The following SLC6A7 variants were observed in gnomAD, a reference collection of about 807,000 sequenced individuals.
SLC6A7 encodes solute carrier family 6 member 7.
In SLC6A7, 58 loss-of-function variants were observed where a neutral mutation model predicts 73.1. The observed-to-expected ratio is 0.79, with a 90% confidence interval of 0.64 to 0.99. The LOEUF (loss-of-function observed/expected upper bound fraction) is 0.99, where lower values mean the gene tolerates loss of function less well. SLC6A7 is among the 50% of genes least tolerant of loss of function. SLC6A7 has a pLI of 0.00. For missense variants in SLC6A7, 783 were observed against 831.4 expected, an observed-to-expected ratio of 0.94 and a Z score of 0.72; for synonymous variants, 338 against 338.7, an observed-to-expected ratio of 1.00 and a Z score of 0.02.
chr5:150,204,374 A>G (rs1580869281), intron 10 of SLC6A7, among the ~76,000 whole-genome samples, 158 bp from the exon 11 acceptor site: 1 of 152,340 alleles, frequency 6.6e-6, no homozygotes, highest in East Asian at 1.9e-4. Context: ...GGACTCAGAT[A>G]AGACAAGGCC....
rs1225942954 is a variant in SLC6A7, at chr5:150,204,917, C to T, written c.1523C>T (p.Ala508Val). 2 of 1,575,920 alleles carry T rather than the reference C, an allele frequency of 1.3e-6. No homozygotes were observed. Among genetic ancestry groups the T allele is most frequent in the Non-Finnish European group, 1.7e-6 (2 of 1,145,320 alleles). Residue 508 changes from alanine to valine, a missense_variant, in exon 12 of 14, where the codon GCC becomes GTC. Ala to Val is a moderately conservative substitution (Grantham distance 64). Coordinates refer to ENST00000230671, the MANE Select transcript of SLC6A7 (RefSeq NM_014228.5). ...GCCTGCTGGCTGTTCCTGTCCCCAGCCACGCTCTTGGTAACTGGGGAGGGC... is the reference window on the plus strand; with the variant it reads ...GCCTGCTGGCTGTTCCTGTCCCCAGTCACGCTCTTGGTAACTGGGGAGGGC... The part of the protein sequence containing the change: ...FRACWLFLSP[A>V]TLLALMVYSI...
chr5:150,201,064 C>G (rs1253106772), intron 5 of SLC6A7, 25 bp from the exon 6 acceptor site: 3 of 1,612,412 alleles, frequency 1.9e-6, no homozygotes, highest in South Asian at 1.1e-5. Flanking sequence ...CCGATGCCAT[C>G]AGCTCCTCAC....
chr5:150,206,480 GCCT>G (rs1219355057), intron 13 of SLC6A7, among the ~76,000 whole-genome samples: 1 of 152,190 alleles, frequency 6.6e-6, no homozygotes, highest in East Asian at 1.9e-4. Context: ...TACAAAGCGG[GCCT>G]CCCTTGCACC....
chr5:150,195,312 T>G, intron 2 of SLC6A7: 2 of 159,630 alleles, frequency 1.3e-5, no homozygotes, highest in East Asian at 1.8e-4. Flanking sequence ...CCATCAATCA[T>G]TCCCTCTCTT....
Position 150,194,787 on chromosome 5 carries a change from G to A in SLC6A7, c.93G>A (p.Val31=), listed in dbSNP as rs1399402734. The change falls in exon 2 of 14, where the codon GTG becomes GTA. Residue 31 remains valine, a synonymous_variant. Transcript: ENST00000230671. ...PSDQGDVDLD[V]DFAAHRGNWT... is the part of the protein sequence containing the mutation. Reference sequence around the variant, plus strand: ...ACCAGGGCGATGTCGACCTGGATGTGGACTTTGCTGCACACCGGGGGAACT... The same window carrying A: ...ACCAGGGCGATGTCGACCTGGATGTAGACTTTGCTGCACACCGGGGGAACT... The A allele has an allele frequency of 1.2e-6, 2 of 1,614,150 alleles. No individual in the cohort carries two copies. The highest frequency in any genetic ancestry group is 1.7e-5 in the Admixed American group (1 of 60,024).
chr5:150,205,482 G>A lies in SLC6A7; in HGVS notation c.1560G>A (p.Lys520=), dbSNP rs753059541. 9.9e-6 allele frequency: 16 copies of A among 1,611,226 alleles called. No individual in the cohort carries two copies. The highest frequency in any genetic ancestry group is 6.6e-5 in the South Asian group (6 of 90,518). The change falls in exon 13 of 14, where the codon AAG becomes AAA. Residue 520 remains lysine, a synonymous_variant. Coordinates refer to ENST00000230671, the MANE Select transcript of SLC6A7 (RefSeq NM_014228.5). ...LLALMVYSIV[K]YQPSEYGSYR... ...CCCTCATGGTGTATAGCATCGTCAA[G>A]TACCAGCCCTCGGAGTATGGCAGTT...
rs543940560 is a variant in SLC6A7, at chr5:150,204,467, G to A, written c.1333-65G>A. 7.1e-6 allele frequency: 9 copies of A among 1,260,598 alleles called. No homozygotes were observed. The Admixed American group carries it at 1.5e-4, about 21-fold the overall frequency. The allele number at this position is 1,260,598 out of a possible 1,614,324, so 78.1% of individuals were successfully genotyped here. A position where few individuals can be genotyped will look rare whatever the true frequency, so the allele number is the denominator to read the frequency against. The stretch of plus-strand genomic sequence containing the variant: ...CTGCTTCCTGCTCACTTCTTGCCAG[G>A]AGAAGGGGCTGTAGCAGAGAACGAG... On this transcript the variant is annotated intron_variant, in intron 10 of 13. Coordinates refer to ENST00000230671, the MANE Select transcript of SLC6A7 (RefSeq NM_014228.5).
chr5:150,204,546 G>C lies in SLC6A7; in HGVS notation c.1347G>C (p.Trp449Cys), dbSNP rs1244588370. ...TTGTGTTTTAGGGGGGCATGTACTG[G>C]CTGGTCCTTCTGGATGACTACAGCG... ...LILTTDGGMYWLVLLDDYSAS... is the reference protein window; with the variant it reads ...LILTTDGGMYCLVLLDDYSAS... Residue 449 changes from tryptophan to cysteine, a missense_variant, in exon 11 of 14, where the codon TGG becomes TGC. Trp to Cys is a radical substitution (Grantham distance 215). Transcript: ENST00000230671. The C allele has an allele frequency of 6.2e-7, 1 of 1,613,832 alleles. No homozygotes were observed. Among genetic ancestry groups the C allele is most frequent in the South Asian group, 1.1e-5 (1 of 91,080 alleles).
intron 3 of SLC6A7, 44 bp downstream of exon 3, chr5:150,196,891 G>C: frequency 3.1e-6 from 5 of 1,591,924 alleles, no homozygotes; most frequent in Non-Finnish European, 4.3e-6. Flanking sequence ...CTCAGGGTCT[G>C]GGGGAGGCAG....
rs1286331399 is a variant in SLC6A7 at position 150,190,427 on chromosome 5, G to A, written c.33+67G>A. On this transcript the variant is annotated intron_variant, in intron 1 of 13. Coordinates refer to ENST00000230671, the MANE Select transcript of SLC6A7 (RefSeq NM_014228.5). ...AGGGTTGGAGAGACCCGCCCCCAAC[G>A]AGGCCCCTGGGGAAGGTCTGAGGAT... 4.3e-6 allele frequency: 5 copies of A among 1,150,532 alleles called. No individual in the cohort carries two copies. The South Asian group carries it at 8.2e-5, about 19-fold the overall frequency. 71.3% of individuals were successfully genotyped at this position (1,150,532 alleles called of 1,614,324 possible).
chr5:150,205,437 G>A lies in SLC6A7; in HGVS notation c.1534-19G>A. ...TTAGACAAAAGCCCGCAGTGATGCT[G>A]GGAGTCCCCACTCTGCAGGCCCTCA... On this transcript the variant is annotated intron_variant, in intron 12 of 13. Coordinates refer to ENST00000230671, the MANE Select transcript of SLC6A7 (RefSeq NM_014228.5). 6.4e-7 allele frequency: 1 copy of A among 1,573,100 alleles called. No homozygotes were observed. The highest frequency in any genetic ancestry group is 8.6e-7 in the Non-Finnish European group (1 of 1,157,532).
intron 6 of SLC6A7, 33 bp downstream of exon 6, chr5:150,201,256 G>A (rs3733680): frequency 0.46 from 725,791 of 1,565,870 alleles, 173,349 homozygotes; most frequent in Non-Finnish European, 0.5. Flanking sequence ...CAGAGGGAGG[G>A]GCCAGGCCTG....
At chr5:150,195,835 C>T (rs753063077) in intron 2 of SLC6A7, among the ~76,000 whole-genome samples, 1 of 152,190 alleles carries the variant, frequency 6.6e-6, no homozygotes, top group Non-Finnish European at 1.5e-5. Context: ...ACCTTGATGA[C>T]ACCCATGGTG....
intron 5 of SLC6A7, among the ~76,000 whole-genome samples, 183 bp downstream of exon 5, chr5:150,199,549 C>T (rs1047761167): frequency 2.0e-5 from 3 of 152,106 alleles, no homozygotes; most frequent in Admixed American, 6.5e-5. Context: ...TGAGGACGCA[C>T]GGGGGCAAGG....
In SLC6A7 at chr5:150,203,437, T is replaced by C. The variant is rs58108461; in HGVS notation, c.1088-230T>C. ...ACATAAGTATATTTCAATGAGGTTT[T>C]ATATTGGGGTCTTGTGTTTGTTTAT... is the stretch of plus-strand genomic sequence containing the variant. On this transcript the variant is annotated intron_variant, in intron 8 of 13. Transcript: ENST00000230671. Among the ~76,000 whole-genome samples the C allele has an allele frequency of 3.3e-3, 507 of 152,338 alleles. 5 individuals carry two copies. The highest frequency in any genetic ancestry group is 0.012 in the African/African-American group (480 of 41,570).
Position 150,205,457 on chromosome 5 carries a change from C to T in SLC6A7, c.1535C>T (p.Ala512Val). The T allele has an allele frequency of 1.3e-6, 2 of 1,592,158 alleles. No individual in the cohort carries two copies. The highest frequency in any genetic ancestry group is 2.2e-5 in the East Asian group (1 of 44,580). The change falls in exon 13 of 14, where the codon GCC (alanine) becomes GTC (valine). Residue 512 changes from alanine to valine, a missense_variant and splice_region_variant. Coordinates refer to ENST00000230671, the MANE Select transcript of SLC6A7 (RefSeq NM_014228.5). Reference protein sequence around the residue: ...WLFLSPATLLALMVYSIVKYQ... With the variant: ...WLFLSPATLLVLMVYSIVKYQ... ...ATGCTGGGAGTCCCCACTCTGCAGGCCCTCATGGTGTATAGCATCGTCAAG... is the reference window on the plus strand; with the variant it reads ...ATGCTGGGAGTCCCCACTCTGCAGGTCCTCATGGTGTATAGCATCGTCAAG...
intron 6 of SLC6A7, 33 bp from the exon 7 acceptor site, chr5:150,202,314 G>A (rs200097801): frequency 6.8e-6 from 10 of 1,461,532 alleles, no homozygotes; most frequent in African/African-American, 2.8e-5. Context: ...TTGACCATCC[G>A]CACACCCTCC....
chr5:150,190,769 G>A (rs1752746966), intron 1 of SLC6A7, among the ~76,000 whole-genome samples: 1 of 152,150 alleles, frequency 6.6e-6, no homozygotes, highest in African/African-American at 2.4e-5. Flanking sequence ...TGAGGGGTGG[G>A]GAGTGGGAGG....
At chr5:150,205,108 TG>T (rs1349259255) in intron 12 of SLC6A7, among the ~76,000 whole-genome samples, 181 bp downstream of exon 12, 1 of 152,228 alleles carries the variant, frequency 6.6e-6, no homozygotes, top group African/African-American at 2.4e-5. Context: ...GTGCTGGGCC[TG>T]GCCCTAGTTC....
Sources: allele counts gnomAD v4.1 joint callset (sites outside exome capture counted in the v4.1 genomes callset), GRCh38; gene constraint gnomAD v4.1.1; transcripts MANE v1.5; gene names NCBI Gene and HGNC (gene_info 2026-07-23, HGNC 2026-07-21).